KIAA0825: variants seen among roughly 807,000 people sequenced by gnomAD.
KIAA0825 encodes KIAA0825.
A neutral mutation model predicts 147.6 loss-of-function variants in KIAA0825; 119 were observed. The observed-to-expected ratio is 0.81, with a 90% CI of 0.69 to 0.94. The LOEUF (loss-of-function observed/expected upper bound fraction) is 0.94, where lower values mean the gene tolerates loss of function less well. Among genes scored for constraint, KIAA0825 ranks in the 40% least tolerant of loss-of-function variants. The pLI, the probability that KIAA0825 is intolerant of heterozygous loss-of-function variation, is 0.00. For synonymous variants in KIAA0825, 470 were observed against 518.1 expected, an observed-to-expected ratio of 0.91 and a Z score of 1.26; for missense variants, 1,381 against 1,472.7, an observed-to-expected ratio of 0.94 and a Z score of 1.02.
intron 15 of KIAA0825, among the ~76,000 whole-genome samples, chr5:94,404,961 T>C (rs951974175): frequency 2.6e-5 from 4 of 152,136 alleles, no homozygotes; most frequent in African/African-American, 7.2e-5. Context: ...CTTCCACGAC[T>C]GTATTTAAGA....
chr5:94,505,917 A>T (rs1383915364), intron 5 of KIAA0825, among the ~76,000 whole-genome samples: 1 of 152,182 alleles, frequency 6.6e-6, no homozygotes, highest in East Asian at 1.9e-4. Context: ...CAGTCTCATA[A>T]ACTGAAAGTC....
chr5:94,337,933 G>T (rs1781977762), intron 20 of KIAA0825, among the ~76,000 whole-genome samples: 1 of 152,202 alleles, frequency 6.6e-6, no homozygotes, highest in Non-Finnish European at 1.5e-5. Flanking sequence ...TGGGTAGACA[G>T]AAGAACAGAG....
chr5:94,566,581 T>C (rs1740898405), intron 2 of KIAA0825, among the ~76,000 whole-genome samples: 1 of 152,160 alleles, frequency 6.6e-6, no homozygotes, highest in South Asian at 2.1e-4. Flanking sequence ...TTTAATGAGT[T>C]TCTTAGCTGT....
chr5:94,182,715 T>C (rs959378461), intron 20 of KIAA0825, among the ~76,000 whole-genome samples: 2 of 152,196 alleles, frequency 1.3e-5, no homozygotes, highest in African/African-American at 2.4e-5. Flanking sequence ...TTACTTCTAA[T>C]ATTGCATACC....
At chr5:94,531,720 A>T (rs1770835045) in intron 3 of KIAA0825, among the ~76,000 whole-genome samples, 2 of 152,186 alleles carry the variant, frequency 1.3e-5, no homozygotes, top group African/African-American at 4.8e-5. Flanking sequence ...AGAGGTAGGG[A>T]TTCTTTGAGA....
At chr5:94,217,862 A>T (rs1406719681) in intron 20 of KIAA0825, among the ~76,000 whole-genome samples, 1 of 152,166 alleles carries the variant, frequency 6.6e-6, no homozygotes, top group Non-Finnish European at 1.5e-5. Context: ...CGTTTTTTTA[A>T]CAAAACAAGA....
intron 5 of KIAA0825, among the ~76,000 whole-genome samples, chr5:94,509,954 A>C (rs1419003874): frequency 1.3e-5 from 2 of 152,200 alleles, no homozygotes; most frequent in African/African-American, 4.8e-5. Flanking sequence ...CTACAAAAAG[A>C]ATGTTAACAA....
In KIAA0825 at chr5:94,417,225, A is replaced by G; in HGVS notation, c.2638T>C (p.Trp880Arg). Reference sequence around the variant, plus strand: ...CCTGGGATGTTATATAAAAAGTCCCATAATTGCTCTTCTTCCATGTAGCTC... The same window carrying G: ...CCTGGGATGTTATATAAAAAGTCCCGTAATTGCTCTTCTTCCATGTAGCTC... ...FVSYMEEEQL[W>R]DFLYNIPVST... The change falls in exon 15 of 21, where the codon TGG becomes CGG. Residue 880 changes from tryptophan to arginine, a missense_variant. Physicochemically the swap from Trp to Arg is moderately radical, Grantham distance 101 (BLOSUM62 -3). Coordinates refer to ENST00000682413, the MANE Select transcript of KIAA0825 (RefSeq NM_001145678.3). The G allele has an allele frequency of 6.4e-7, 1 of 1,550,966 alleles. No individual in the cohort carries two copies. Among genetic ancestry groups the G allele is most frequent in the Non-Finnish European group, 8.7e-7 (1 of 1,146,506 alleles).
chr5:94,573,337 C>T (rs1434453986), intron 2 of KIAA0825, among the ~76,000 whole-genome samples: 3 of 139,414 alleles, frequency 2.2e-5, no homozygotes, highest in Non-Finnish European at 4.5e-5. Flanking sequence ...GTGGCACAAT[C>T]TCGGCTCACT....
chr5:94,408,328 A>AATTTT lies in KIAA0825; in HGVS notation c.2663-4540_2663-4536dup, dbSNP rs539776487. 9.2e-5 allele frequency among the ~76,000 whole-genome samples: 14 copies of AATTTT among 152,008 alleles called. No homozygotes were observed. The East Asian group carries it at 9.7e-4, about 11-fold the overall frequency. On this transcript the variant is annotated intron_variant, in intron 15 of 20. Coordinates refer to ENST00000682413, the MANE Select transcript of KIAA0825 (RefSeq NM_001145678.3). Reference sequence around the variant, plus strand: ...TGCAATCAGAGTGAATCCTTTTTTAAATTTTATTTTATTTTATTTTATTTA... The same window carrying AATTTT: ...TGCAATCAGAGTGAATCCTTTTTTAAATTTTATTTTATTTTATTTTATTTTATTTA...
chr5:94,533,170 G>T (rs1389576795), intron 3 of KIAA0825, among the ~76,000 whole-genome samples: 1 of 151,576 alleles, frequency 6.6e-6, no homozygotes, highest in Non-Finnish European at 1.5e-5. Flanking sequence ...AGTAGAGGCA[G>T]GGTTTCACCG....
chr5:94,574,382 A>C (rs1780565381), intron 2 of KIAA0825, among the ~76,000 whole-genome samples: 1 of 151,928 alleles, frequency 6.6e-6, no homozygotes, highest in South Asian at 2.1e-4. Context: ...ATCTCCACTA[A>C]AAATATAAAA....
intron 2 of KIAA0825, among the ~76,000 whole-genome samples, chr5:94,565,013 T>C (rs1009081556): frequency 4.4e-5 from 5 of 112,506 alleles, no homozygotes; most frequent in African/African-American, 1.4e-4. Flanking sequence ...TCTCTCCCTC[T>C]CTCTCTCTCT....
intron 1 of KIAA0825, among the ~76,000 whole-genome samples, chr5:94,600,749 CA>C (rs1786253533): frequency 6.7e-6 from 1 of 149,940 alleles, no homozygotes; most frequent in South Asian, 2.1e-4. Flanking sequence ...GAGTCCAAAC[CA>C]CCTGGGAGTG....
chr5:94,358,468 T>A (rs1028005635), intron 20 of KIAA0825, among the ~76,000 whole-genome samples: 2 of 152,246 alleles, frequency 1.3e-5, no homozygotes, highest in Admixed American at 1.3e-4. Context: ...TGAAGCACTA[T>A]GAATTTCCAA....
chr5:94,356,330 G>A (rs1056068136), intron 20 of KIAA0825, among the ~76,000 whole-genome samples: 3 of 151,912 alleles, frequency 2.0e-5, no homozygotes, highest in Admixed American at 6.6e-5. Context: ...AACTACAGCC[G>A]GGAGCGGTGG....
At chr5:94,184,830 C>A (rs1336062385) in intron 20 of KIAA0825, among the ~76,000 whole-genome samples, 1 of 152,132 alleles carries the variant, frequency 6.6e-6, no homozygotes, top group South Asian at 2.1e-4. Flanking sequence ...TTTGTACCTT[C>A]TGTACTTTGT....
At position 94,520,554 on chromosome 5, in the gene KIAA0825, T is replaced by C; in HGVS notation, c.664A>G (p.Asn222Asp). The C allele has an allele frequency of 6.2e-7, 1 of 1,613,424 alleles. No homozygotes were observed. The highest frequency in any genetic ancestry group is 8.5e-7 in the Non-Finnish European group (1 of 1,179,482). ...YQNIQNKLLANLLWNCFPSYN... is the reference protein window; with the variant it reads ...YQNIQNKLLADLLWNCFPSYN... The stretch of plus-strand genomic sequence containing the variant: ...GAAGGAAAGCAGTTCCACAGAAGAT[T>C]AGCCAACAGTTTATTCTGTATGTTT... Residue 222 changes from asparagine to aspartate, a missense_variant, in exon 5 of 21, where the codon AAT becomes GAT. By Grantham distance (23) the Asn-to-Asp change is conservative (BLOSUM62 1). Coordinates refer to ENST00000682413, the MANE Select transcript of KIAA0825 (RefSeq NM_001145678.3).
At chr5:94,591,581 T>A (rs951391772) in intron 1 of KIAA0825, among the ~76,000 whole-genome samples, 4 of 152,198 alleles carry the variant, frequency 2.6e-5, no homozygotes, top group African/African-American at 9.6e-5. Flanking sequence ...ACCAGTAAAA[T>A]CAGTGTTATC....
Sources: gnomAD v4.1 joint callset for allele counts (sites outside exome capture counted in the v4.1 genomes callset) on GRCh38, gnomAD v4.1.1 for gene constraint, MANE v1.5 for transcripts, NCBI Gene and HGNC (gene_info 2026-07-23, HGNC 2026-07-21) for gene names.